Variants in SKA2 observed in about 807,000 individuals in gnomAD.
SKA2 encodes spindle and kinetochore-associated protein 2.
Under a neutral mutation model 16.9 loss-of-function variants are expected in SKA2, and 13 were observed. The observed-to-expected ratio is 0.77, with a 90% CI of 0.50 to 1.22. The LOEUF is 1.22. Among genes scored for constraint, SKA2 ranks in the 50% most tolerant of loss-of-function variants. The probability of loss-of-function intolerance (pLI) is 0.00; values close to 1 mark genes in which losing one functional copy is unlikely to be tolerated. For synonymous variants in SKA2, 47 were observed against 48.5 expected, an observed-to-expected ratio of 0.97 and a Z score of 0.13; for missense variants, 107 against 139.7, an observed-to-expected ratio of 0.77 and a Z score of 1.18.
chr17:59,148,208 T>G (rs2046548828), intron 1 of SKA2, among the ~76,000 whole-genome samples: 1 of 152,168 alleles, frequency 6.6e-6, no homozygotes, highest in Non-Finnish European at 1.5e-5. Context: ...ATTGCAAAAC[T>G]GTCGAGAGAA....
At chr17:59,115,554 C>G (rs1034666137) in intron 3 of SKA2, among the ~76,000 whole-genome samples, 5 of 151,898 alleles carry the variant, frequency 3.3e-5, no homozygotes, top group Non-Finnish European at 2.9e-5. Flanking sequence ...TCTTCTACCT[C>G]AAAAAAAGGA....
chr17:59,123,925 G>GC (rs2046354230), intron 2 of SKA2, among the ~76,000 whole-genome samples: 1 of 152,106 alleles, frequency 6.6e-6, no homozygotes, highest in African/African-American at 2.4e-5. Context: ...AGGATGTGAA[G>GC]TATAACAGTT....
At position 59,112,357 on chromosome 17, in the gene SKA2, A is replaced by G. The variant is rs2046269035; in HGVS notation, c.298-12T>C. 1 of 1,599,562 alleles carries G rather than the reference A, an allele frequency of 6.3e-7. No individual in the cohort carries two copies. ...GTCAGTGGTGACAGCTAGAAAATAA[A>G]TGATAAAATCTTTATTTCAAAAACT... On this transcript the variant is annotated splice_polypyrimidine_tract_variant and intron_variant, in intron 3 of 3. Transcript: ENST00000330137.
chr17:59,118,948 A>G (rs1011824320), intron 3 of SKA2, among the ~76,000 whole-genome samples: 1 of 152,170 alleles, frequency 6.6e-6, no homozygotes. Context: ...GTGGCAGACT[A>G]CGCTATTTTC....
At chr17:59,126,076 C>T (rs2046370409) in intron 2 of SKA2, among the ~76,000 whole-genome samples, 1 of 151,910 alleles carries the variant, frequency 6.6e-6, no homozygotes, top group Non-Finnish European at 1.5e-5. Flanking sequence ...GAGGCTGAGG[C>T]AGGAGAATGG....
chr17:59,124,148 G>A (rs1480101131), intron 2 of SKA2, among the ~76,000 whole-genome samples: 1 of 152,170 alleles, frequency 6.6e-6, no homozygotes, highest in African/African-American at 2.4e-5. Flanking sequence ...AAAAATAAAA[G>A]TTTAGGCCGG....
In SKA2 at chr17:59,113,992, CA is replaced by C. The variant is rs1286837850; in HGVS notation, c.298-1648del. Among the ~76,000 whole-genome samples the C allele has an allele frequency of 3.9e-5, 6 of 152,284 alleles. No homozygotes were observed. The East Asian group carries it at 1.2e-3, about 29-fold the overall frequency. Reference sequence around the variant, plus strand: ...GATAGTGCCTTTACCCTCAAGCTGACAGCAAATGGCTTTAACGGTGCTAGGT... The same window carrying C: ...GATAGTGCCTTTACCCTCAAGCTGACGCAAATGGCTTTAACGGTGCTAGGT... On this transcript the variant is annotated intron_variant, in intron 3 of 3. Transcript: ENST00000330137.
At chr17:59,121,590 T>A (rs1438246098) in intron 2 of SKA2, among the ~76,000 whole-genome samples, 5 of 147,752 alleles carry the variant, frequency 3.4e-5, no homozygotes, top group African/African-American at 1.3e-4. Context: ...GAGGCAGAGG[T>A]GGCAGTGAGC....
At position 59,134,475 on chromosome 17, in the gene SKA2, T is replaced by C. The variant is rs376581141; in HGVS notation, c.34-3108A>G. Among the ~76,000 whole-genome samples the C allele has an allele frequency of 1.9e-3, 286 of 152,310 alleles. 1 individual carries two copies. The highest frequency in any genetic ancestry group is 6.6e-3 in the African/African-American group (275 of 41,584). ...CTTAACATGTTTATGAAACGAAGTA[T>C]TAAACTTACATATTTTTTAACTTGA... is the stretch of plus-strand genomic sequence containing the variant. On this transcript the variant is annotated intron_variant, in intron 1 of 3. Transcript: ENST00000330137.
At chr17:59,121,556 G>A (rs2046333856) in intron 2 of SKA2, among the ~76,000 whole-genome samples, 1 of 151,456 alleles carries the variant, frequency 6.6e-6, no homozygotes, top group Non-Finnish European at 1.5e-5. Flanking sequence ...AGTAGGCTGA[G>A]GCAGGAGAAT....
intron 1 of SKA2, among the ~76,000 whole-genome samples, chr17:59,143,684 A>AT (rs1463057932): frequency 6.6e-6 from 1 of 151,464 alleles, no homozygotes; most frequent in Non-Finnish European, 1.5e-5. Context: ...TAATTTTTGT[A>AT]TTTTTCTCGA....
At chr17:59,127,449 C>T (rs757348942) in intron 2 of SKA2, among the ~76,000 whole-genome samples, 4 of 152,198 alleles carry the variant, frequency 2.6e-5, no homozygotes, top group Non-Finnish European at 4.4e-5. Flanking sequence ...AGTTCAATGG[C>T]GCAATCTGGA....
At chr17:59,147,541 T>G (rs952272478) in intron 1 of SKA2, among the ~76,000 whole-genome samples, 14 of 152,174 alleles carry the variant, frequency 9.2e-5, no homozygotes, top group Admixed American at 4.6e-4. Flanking sequence ...CAACTATTTT[T>G]AAAGGACTTT....
At chr17:59,141,621 C>T (rs1340592389) in intron 1 of SKA2, among the ~76,000 whole-genome samples, 1 of 151,140 alleles carries the variant, frequency 6.6e-6, no homozygotes, top group Non-Finnish European at 1.5e-5. Context: ...GTCCCAGCTA[C>T]GCAGGAGGCT....
intron 1 of SKA2, among the ~76,000 whole-genome samples, chr17:59,144,139 G>T (rs1386000683): frequency 6.6e-6 from 1 of 151,958 alleles, no homozygotes; most frequent in Non-Finnish European, 1.5e-5. Flanking sequence ...GTTGCAGTAA[G>T]CCGAGATCGC....
intron 1 of SKA2, among the ~76,000 whole-genome samples, chr17:59,147,991 C>T (rs1327049524): frequency 6.6e-6 from 1 of 151,920 alleles, no homozygotes; most frequent in East Asian, 1.9e-4. Context: ...TACAGGGGCA[C>T]ACCACTGCAC....
At chr17:59,134,565 T>C (rs1272817725) in intron 1 of SKA2, among the ~76,000 whole-genome samples, 1 of 152,082 alleles carries the variant, frequency 6.6e-6, no homozygotes, top group Non-Finnish European at 1.5e-5. Context: ...CTTTCCTTTT[T>C]TTTTTTGGAG....
chr17:59,145,653 G>A lies in SKA2; in HGVS notation c.33+9478C>T, dbSNP rs183244595. Among the ~76,000 whole-genome samples the A allele has an allele frequency of 3.1e-3, 474 of 152,110 alleles. 2 individuals carry two copies. Among genetic ancestry groups the A allele is most frequent in the African/African-American group, 0.011 (442 of 41,500 alleles). ...ATATTTATCTGTGTCTCCCAGATAAGTTTCTTAATATCTTTAGCCTCTGTT... is the reference window on the plus strand; with the variant it reads ...ATATTTATCTGTGTCTCCCAGATAAATTTCTTAATATCTTTAGCCTCTGTT... On this transcript the variant is annotated intron_variant, in intron 1 of 3. Coordinates refer to ENST00000330137, the MANE Select transcript of SKA2 (RefSeq NM_182620.4).
At chr17:59,132,288 G>A (rs956817184) in intron 1 of SKA2, among the ~76,000 whole-genome samples, 7 of 151,958 alleles carry the variant, frequency 4.6e-5, no homozygotes, top group African/African-American at 1.7e-4. Flanking sequence ...CCCCGGAGGT[G>A]GAGGCTGCAG....
Sources: allele counts gnomAD v4.1 joint callset (sites outside exome capture counted in the v4.1 genomes callset), GRCh38; gene constraint gnomAD v4.1.1; transcripts MANE v1.5; gene names NCBI Gene and HGNC (gene_info 2026-07-23, HGNC 2026-07-21).